The following TRANK1 variants were observed in gnomAD, a reference collection of about 807,000 sequenced individuals.
TRANK1 encodes TPR and ankyrin repeat-containing protein 1.
Under a neutral mutation model 266.0 loss-of-function variants are expected in TRANK1, and 198 were observed. That is an observed-to-expected ratio of 0.74 (90% CI 0.66 to 0.84). TRANK1 has a LOEUF of 0.84. TRANK1 is among the 40% of genes least tolerant of loss of function. The pLI, the probability that TRANK1 is intolerant of heterozygous loss-of-function variation, is 0.00. For missense variants in TRANK1, 3,326 were observed against 3,634.6 expected (o/e 0.92, Z 2.18); for synonymous variants, 1,396 against 1,384.1 (o/e 1.01, Z -0.19).
In TRANK1 at chr3:36,838,615, G is replaced by C; in HGVS notation, c.5382C>G (p.Pro1794=). The C allele has an allele frequency of 6.2e-7, 1 of 1,613,918 alleles. No individual in the cohort carries two copies. The highest frequency in any genetic ancestry group is 1.1e-5 in the South Asian group (1 of 91,050). ...AGAAGTGATCCCAAGACTCTTACTT[G>C]GGGCTGACTTTCTTGGATTTCATGC... ...ALSMKSKKVS[P]KEKQLEYLEL... Residue 1794 remains proline, a splice_region_variant and synonymous_variant, in exon 19 of 24, where the codon CCC becomes CCG. Transcript: ENST00000645898.
rs756145719 is a variant in TRANK1 at position 36,832,979 on chromosome 3, C to T, written c.6604G>A (p.Glu2202Lys). Residue 2202 changes from glutamate (E) to lysine (K), a missense_variant, in exon 22 of 24, where the codon GAG becomes AAG. Coordinates refer to ENST00000645898, the MANE Select transcript of TRANK1 (RefSeq NM_001329998.2). ...CMRFIVGLKC[E>K]DENCEHFHRP... is the part of the protein sequence containing the mutation. ...TGAAAATGTTCACAGTTTTCATCCT[C>T]ACATTTTAAGCCTACAATAAACCTC... is the stretch of plus-strand genomic sequence containing the variant. 17 of 1,610,994 alleles carry T rather than the reference C, an allele frequency of 1.1e-5. No homozygotes were observed. In the African/African-American group the frequency reaches 2.3e-4, roughly 22 times the overall value.
intron 4 of TRANK1, among the ~76,000 whole-genome samples, chr3:36,897,786 T>C (rs2079814114): frequency 6.6e-6 from 1 of 152,236 alleles, no homozygotes; most frequent in Admixed American, 6.5e-5. Flanking sequence ...TTAAATTTGA[T>C]CAAACACCGT....
At chr3:36,854,367 C>CA (rs113295260) in intron 13 of TRANK1, among the ~76,000 whole-genome samples, 45,148 of 142,816 alleles carry the variant, frequency 0.32, 7,097 homozygotes, top group Non-Finnish European at 0.36. Flanking sequence ...CTGAAAAAAA[C>CA]AAAAAAAAAA....
chr3:36,884,481 G>A (rs923511351), intron 8 of TRANK1, among the ~76,000 whole-genome samples: 1 of 152,228 alleles, frequency 6.6e-6, no homozygotes, highest in Non-Finnish European at 1.5e-5. Flanking sequence ...GTCTGAAGGA[G>A]TGCCTTATGG....
chr3:36,850,941 C>T lies in TRANK1; in HGVS notation c.4887+778G>A, dbSNP rs548935671. 3 of 985,480 alleles carry T rather than the reference C, an allele frequency of 3.0e-6. No individual in the cohort carries two copies. The South Asian group carries it at 1.4e-4, about 46-fold the overall frequency. 61.0% of individuals were successfully genotyped at this position (985,480 alleles called of 1,614,324 possible). A position where few individuals can be genotyped will look rare whatever the true frequency, so the allele number is the denominator to read the frequency against. Reference sequence around the variant, plus strand: ...AGGACTGGGACACAGCCAGCTAAGTCCCCAGAGAAGACCCCACAGTACAGT... The same window carrying T: ...AGGACTGGGACACAGCCAGCTAAGTTCCCAGAGAAGACCCCACAGTACAGT... On this transcript the variant is annotated intron_variant, in intron 15 of 23. Coordinates refer to ENST00000645898, the MANE Select transcript of TRANK1 (RefSeq NM_001329998.2).
chr3:36,827,128 AG>A lies in TRANK1; in HGVS notation c.*1146del, dbSNP rs1183337016. 1 of 143,148 alleles carries A rather than the reference AG, an allele frequency of 7.0e-6. No homozygotes were observed. Among genetic ancestry groups the A allele is most frequent in the Non-Finnish European group, 1.5e-5 (1 of 64,896 alleles). 8.9% of individuals were successfully genotyped at this position (143,148 alleles called of 1,614,324 possible). A position where few individuals can be genotyped will look rare whatever the true frequency, so the allele number is the denominator to read the frequency against. On this transcript the variant is annotated 3_prime_UTR_variant, in exon 24 of 24. Transcript: ENST00000645898. ...CCAGGCTGAGCTGAGGGGTGGGGTA[AG>A]GGTGGGCAGTAACCATCAGAGAGGC...
chr3:36,878,882 C>T (rs147482598), intron 8 of TRANK1, among the ~76,000 whole-genome samples: 143 of 151,998 alleles, frequency 9.4e-4, no homozygotes, highest in African/African-American at 3.4e-3. Context: ...TTCCTAGTTT[C>T]CTCATCTGGA....
chr3:36,848,524 T>C (rs1052459167), intron 15 of TRANK1, among the ~76,000 whole-genome samples: 3 of 152,250 alleles, frequency 2.0e-5, no homozygotes, highest in Non-Finnish European at 4.4e-5. Context: ...TTGCCATCTA[T>C]GTAACTTTTA....
At chr3:36,891,810 G>A (rs1054061189) in intron 7 of TRANK1, among the ~76,000 whole-genome samples, 1 of 152,154 alleles carries the variant, frequency 6.6e-6, no homozygotes. Flanking sequence ...CAACACAGCC[G>A]TCAACCCTAG....
intron 10 of TRANK1, 27 bp downstream of exon 10, chr3:36,864,292 A>G: frequency 2.0e-6 from 3 of 1,473,740 alleles, no homozygotes; most frequent in Non-Finnish European, 2.7e-6. Flanking sequence ...CATTTTTAAC[A>G]TCATTGAACG....
intron 13 of TRANK1, among the ~76,000 whole-genome samples, 160 bp from the exon 14 acceptor site, chr3:36,852,505 G>A (rs1165912622): frequency 1.3e-5 from 2 of 152,158 alleles, no homozygotes; most frequent in Non-Finnish European, 2.9e-5. Context: ...TACCTCTGCA[G>A]CCCTGAGCTC....
At chr3:36,918,468 G>C (rs59788554) in intron 1 of TRANK1, among the ~76,000 whole-genome samples, 1 of 31,134 alleles carries the variant, frequency 3.2e-5, no homozygotes, top group African/African-American at 1.1e-4. Context: ...AGAAAGAAAA[G>C]AAGAAAGAAA....
In TRANK1 at chr3:36,937,816, GA is replaced by G. The variant is rs374314230; in HGVS notation, c.23+6970del. Among the ~76,000 whole-genome samples, 350 of 152,284 alleles carry G rather than the reference GA, an allele frequency of 2.3e-3. 2 individuals carry two copies. Among genetic ancestry groups the G allele is most frequent in the African/African-American group, 6.8e-3 (284 of 41,550 alleles). On this transcript the variant is annotated intron_variant, in intron 1 of 23. Transcript: ENST00000645898. ...GAACTATGAAGTTGGGAGCAGCCCC[GA>G]AAAGGGAGTACACCAGGCACTCCAG...
intron 1 of TRANK1, among the ~76,000 whole-genome samples, chr3:36,943,786 T>A (rs1014920722): frequency 6.6e-6 from 1 of 152,108 alleles, no homozygotes; most frequent in Non-Finnish European, 1.5e-5. Flanking sequence ...CAGCTATTCC[T>A]TCCCGCATAA....
chr3:36,918,606 G>GGAAGGAAGGAAAGAAAGAAAGAAAGAAA (rs1553630565), intron 1 of TRANK1, among the ~76,000 whole-genome samples: 1 of 22,136 alleles, frequency 4.5e-5, no homozygotes, highest in Non-Finnish European at 1.0e-4. Context: ...AAGGAAGGAA[G>GGAAGGAAGGAAAGAAAGAAAGAAAGAAA]GAAAGAAAGA....
At position 36,918,615 on chromosome 3, in the gene TRANK1, GAA is replaced by G. The variant is rs1205441140; in HGVS notation, c.24-10163_24-10162del. Among the ~76,000 whole-genome samples, 8 of 139,466 alleles carry G rather than the reference GAA, an allele frequency of 5.7e-5. 1 individual carries two copies. The highest frequency in any genetic ancestry group is 2.2e-4 in the African/African-American group (8 of 36,310). 91.5% of individuals were successfully genotyped at this position (139,466 alleles called of 152,430 possible). A position where few individuals can be genotyped will look rare whatever the true frequency, so the allele number is the denominator to read the frequency against. ...GGAAGGAAGGAAGGAAGGAAAGAAA[GAA>G]AGAAAGAAAGAAAGAAAGAAAGAGA... On this transcript the variant is annotated intron_variant, in intron 1 of 23. Transcript: ENST00000645898.
At chr3:36,898,622 C>T (rs1305474121) in intron 4 of TRANK1, among the ~76,000 whole-genome samples, 2 of 152,064 alleles carry the variant, frequency 1.3e-5, no homozygotes, top group Non-Finnish European at 2.9e-5. Flanking sequence ...GAGGCCAAGG[C>T]GGGCGGATCA....
intron 2 of TRANK1, 105 bp from the exon 3 acceptor site, chr3:36,903,380 A>G (rs2079913125): frequency 3.6e-6 from 5 of 1,393,848 alleles, no homozygotes; most frequent in Non-Finnish European, 3.8e-6. Context: ...AGGGGGTTTC[A>G]GTAGGAAATG....
intron 22 of TRANK1, among the ~76,000 whole-genome samples, chr3:36,829,996 G>A (rs1452006590): frequency 1.3e-5 from 2 of 152,110 alleles, no homozygotes; most frequent in Non-Finnish European, 2.9e-5. Context: ...ATTTCACTAA[G>A]TTTATACATA....
Sources: allele counts gnomAD v4.1 joint callset (sites outside exome capture counted in the v4.1 genomes callset), GRCh38; gene constraint gnomAD v4.1.1; transcripts MANE v1.5; gene names NCBI Gene and HGNC (gene_info 2026-07-23, HGNC 2026-07-21).